PCDHGA8: variants seen among roughly 807,000 people sequenced by gnomAD.
PCDHGA8 encodes protocadherin gamma-A8.
A neutral mutation model predicts 59.2 loss-of-function variants in PCDHGA8; 45 were observed. The ratio of observed to expected loss-of-function variants is 0.76; its 90% CI spans 0.60 to 0.98. The LOEUF (loss-of-function observed/expected upper bound fraction) is 0.98. Ranked by LOEUF, PCDHGA8 falls within the 50% of genes least tolerant of loss-of-function variation. The pLI, the probability that PCDHGA8 is intolerant of heterozygous loss-of-function variation, is 0.00. For missense variants in PCDHGA8, 1,257 were observed against 1,196.2 expected, an observed-to-expected ratio of 1.05 and a Z score of -0.75; for synonymous variants, 531 against 519.0, an observed-to-expected ratio of 1.02 and a Z score of -0.32.
rs568927137 is a variant in PCDHGA8, at chr5:141,410,186, CT to C, written c.2424+14950del. On this transcript the variant is annotated intron_variant, in intron 1 of 3. Coordinates refer to ENST00000398604, the MANE Select transcript of PCDHGA8 (RefSeq NM_032088.2). ...ACTCTCTGCCACCGCCACGCTTCAT[CT>C]GGTCTTCGCAGACAACTTGCAAGAG... 1.6e-5 allele frequency: 26 copies of C among 1,613,940 alleles called. 1 individual carries two copies. In the South Asian group the frequency reaches 2.6e-4, roughly 16 times the overall value.
chr5:141,512,897 C>T lies in PCDHGA8; in HGVS notation c.*1724C>T, dbSNP rs1482341871. ...CTCCCACCCCACCCTCTTCCTGTGT[C>T]TCACGCAAGTTTTATACTCTAATAT... On this transcript the variant is annotated 3_prime_UTR_variant, in exon 4 of 4. Coordinates refer to ENST00000398604, the MANE Select transcript of PCDHGA8 (RefSeq NM_032088.2). 1.3e-5 allele frequency: 2 copies of T among 152,274 alleles called. No homozygotes were observed. The highest frequency in any genetic ancestry group is 4.8e-5 in the African/African-American group (2 of 41,470). The allele number at this position is 152,274 out of a possible 1,614,324, so 9.4% of individuals were successfully genotyped here. A position where few individuals can be genotyped will look rare whatever the true frequency, so the allele number is the denominator to read the frequency against.
In PCDHGA8 at chr5:141,395,178, G is replaced by A; in HGVS notation, c.2365G>A (p.Asp789Asn). Reference sequence around the variant, plus strand: ...CAGTCAGGAGGGCTGTGAGAAAAATGATTCTTTGTTAACATCCGTAGATTT... The same window carrying A: ...CAGTCAGGAGGGCTGTGAGAAAAATAATTCTTTGTTAACATCCGTAGATTT... Reference protein sequence around the residue: ...LISQEGCEKNDSLLTSVDFHE... With the variant: ...LISQEGCEKNNSLLTSVDFHE... The change falls in exon 1 of 4, where the codon GAT becomes AAT. Residue 789 changes from aspartate to asparagine, a missense_variant. Coordinates refer to ENST00000398604, the MANE Select transcript of PCDHGA8 (RefSeq NM_032088.2). The A allele has an allele frequency of 6.2e-7, 1 of 1,614,142 alleles. No individual in the cohort carries two copies. Among genetic ancestry groups the A allele is most frequent in the East Asian group, 2.2e-5 (1 of 44,892 alleles).
In PCDHGA8 at chr5:141,399,258, G is replaced by T; in HGVS notation, c.2424+4021G>T. On this transcript the variant is annotated intron_variant, in intron 1 of 3. Coordinates refer to ENST00000398604, the MANE Select transcript of PCDHGA8 (RefSeq NM_032088.2). ...ACCAAGATTCTGGGGAAAATGGGGA[G>T]GTTAATTGTCAATTACAAGGCGAAG... 4 of 1,613,870 alleles carry T rather than the reference G, an allele frequency of 2.5e-6. No homozygotes were observed. Among genetic ancestry groups the T allele is most frequent in the East Asian group, 2.2e-5 (1 of 44,878 alleles).
chr5:141,461,213 T>C (rs1457474925), intron 1 of PCDHGA8, among the ~76,000 whole-genome samples: 1 of 152,168 alleles, frequency 6.6e-6, no homozygotes, highest in African/African-American at 2.4e-5. Flanking sequence ...AGAATCTCCA[T>C]ACTGTTTTCC....
rs1485167379 is a variant in PCDHGA8, at chr5:141,485,881, C to T, written c.2425-8926C>T. 5.0e-6 allele frequency: 8 copies of T among 1,613,984 alleles called. No homozygotes were observed. Among genetic ancestry groups the T allele is most frequent in the East Asian group, 2.2e-5 (1 of 44,880 alleles). On this transcript the variant is annotated intron_variant, in intron 1 of 3. Transcript: ENST00000398604. The surrounding 1 kb of genome is among the most constrained non-coding windows in gnomAD (Gnocchi z 5.7). ...TCCGGGTATCCGTGCTGGACGTAAACGACAACGCCCCAGCCTTCCAGCAAT... is the reference window on the plus strand; with the variant it reads ...TCCGGGTATCCGTGCTGGACGTAAATGACAACGCCCCAGCCTTCCAGCAAT...
At chr5:141,419,318 G>A in intron 1 of PCDHGA8, 1 of 1,613,992 alleles carries the variant, frequency 6.2e-7, no homozygotes, top group Non-Finnish European at 8.5e-7. Flanking sequence ...CAACGGCCGT[G>A]TCTCCTACTC....
chr5:141,398,962 T>A lies in PCDHGA8; in HGVS notation c.2424+3725T>A, dbSNP rs568248356. ...CGAGGGCATCAACTCAGAAATTACT[T>A]ATTCCTTCTACAGAACCGGGCAAAT... On this transcript the variant is annotated intron_variant, in intron 1 of 3. Coordinates refer to ENST00000398604, the MANE Select transcript of PCDHGA8 (RefSeq NM_032088.2). The A allele has an allele frequency of 2.6e-5, 42 of 1,613,934 alleles. No individual in the cohort carries two copies. Among genetic ancestry groups the A allele is most frequent in the Middle Eastern group, 3.3e-4 (2 of 6,062 alleles).
chr5:141,482,102 A>T (rs1016315214), intron 1 of PCDHGA8, among the ~76,000 whole-genome samples: 13 of 151,860 alleles, frequency 8.6e-5, no homozygotes, highest in African/African-American at 2.7e-4. Context: ...AAAAAAAAAA[A>T]AAATATCTAG....
intron 1 of PCDHGA8, chr5:141,402,843 G>A (rs1370040306): frequency 5.7e-6 from 8 of 1,399,114 alleles, no homozygotes; most frequent in Non-Finnish European, 6.6e-6. Context: ...GCAAAACTCA[G>A]CCTCTTTCTT....
chr5:141,404,564 G>A, intron 1 of PCDHGA8: 1 of 1,613,890 alleles, frequency 6.2e-7, no homozygotes. Flanking sequence ...AAGTGACAGT[G>A]GAAGCCCACC....
At position 141,476,666 on chromosome 5, in the gene PCDHGA8, G is replaced by A. The variant is rs2099395856; in HGVS notation, c.2425-18141G>A. On this transcript the variant is annotated intron_variant, in intron 1 of 3. Coordinates refer to ENST00000398604, the MANE Select transcript of PCDHGA8 (RefSeq NM_032088.2). The surrounding 1 kb of genome is among the most constrained non-coding windows in gnomAD (Gnocchi z 7.6). The stretch of plus-strand genomic sequence containing the variant: ...CCGAAATGAATACTTTGCGCTTCGC[G>A]TGCAGACGCGGGAGGACAGCACCAA... 6.2e-7 allele frequency: 1 copy of A among 1,614,128 alleles called. No individual in the cohort carries two copies.
intron 1 of PCDHGA8, among the ~76,000 whole-genome samples, chr5:141,456,842 A>G (rs1374546355): frequency 6.6e-6 from 1 of 152,150 alleles, no homozygotes; most frequent in African/African-American, 2.4e-5. Flanking sequence ...GGGCGCCTGT[A>G]ATCCCAGCTA....
chr5:141,470,054 C>T (rs895181664), intron 1 of PCDHGA8, among the ~76,000 whole-genome samples: 2 of 152,118 alleles, frequency 1.3e-5, no homozygotes, highest in African/African-American at 4.8e-5. Flanking sequence ...GTTTGAACCC[C>T]GGAGGCAGAG....
In PCDHGA8 at chr5:141,394,190, G is replaced by T. The variant is rs1370592594; in HGVS notation, c.1377G>T (p.Ala459=). The part of the protein sequence containing the change: ...PPTFPHASYS[A]YILENNLRGA... The stretch of plus-strand genomic sequence containing the variant: ...CTTTCCCTCATGCCTCCTACTCAGC[G>T]TATATCCTAGAGAACAACCTGAGAG... Residue 459 remains alanine (A), a synonymous_variant, in exon 1 of 4, where the codon GCG becomes GCT. Coordinates refer to ENST00000398604, the MANE Select transcript of PCDHGA8 (RefSeq NM_032088.2). 2 of 1,613,684 alleles carry T rather than the reference G, an allele frequency of 1.2e-6. No individual in the cohort carries two copies. The highest frequency in any genetic ancestry group is 1.7e-6 in the Non-Finnish European group (2 of 1,179,836).
Position 141,393,047 on chromosome 5 carries a change from C to G in PCDHGA8, c.234C>G (p.Asn78Lys), listed in dbSNP as rs778464494. Reference protein sequence around the residue: ...SRGRTQLFALNPRSGSLITAG... With the variant: ...SRGRTQLFALKPRSGSLITAG... ...GTAGGACGCAGCTCTTTGCTCTGAA[C>G]CCGCGCAGCGGCAGCTTGATCACCG... The change falls in exon 1 of 4, where the codon AAC (asparagine) becomes AAG (lysine). Residue 78 changes from asparagine (N) to lysine (K), a missense_variant. Physicochemically the swap from Asn to Lys is moderately conservative, Grantham distance 94 (BLOSUM62 0). Transcript: ENST00000398604. 16 of 1,613,566 alleles carry G rather than the reference C, an allele frequency of 9.9e-6. No homozygotes were observed. The South Asian group carries it at 1.6e-4, about 17-fold the overall frequency.
At chr5:141,470,059 G>A (rs1206799372) in intron 1 of PCDHGA8, among the ~76,000 whole-genome samples, 6 of 152,186 alleles carry the variant, frequency 3.9e-5, no homozygotes, top group African/African-American at 1.4e-4. Context: ...AACCCCGGAG[G>A]CAGAGACTGT....
intron 1 of PCDHGA8, chr5:141,430,693 C>A: frequency 1.4e-6 from 2 of 1,425,428 alleles, no homozygotes; most frequent in Admixed American, 2.6e-5. Context: ...ATTCTATGGG[C>A]GAAGGAACTG....
In PCDHGA8 at chr5:141,489,071, CA is replaced by C; in HGVS notation, c.2425-5735del. 3.1e-6 allele frequency: 1 copy of C among 326,700 alleles called. No homozygotes were observed. Among genetic ancestry groups the C allele is most frequent in the East Asian group, 5.9e-5 (1 of 17,012 alleles). 20.2% of individuals were successfully genotyped at this position (326,700 alleles called of 1,614,324 possible). A position where few individuals can be genotyped will look rare whatever the true frequency, so the allele number is the denominator to read the frequency against. On this transcript the variant is annotated intron_variant, in intron 1 of 3. Transcript: ENST00000398604. This position sits in a 1 kb window ranked among gnomAD's most constrained non-coding sequence, Gnocchi z 4.5. Reference sequence around the variant, plus strand: ...AAATTCAGCTCCCCTCCCCCCTGCCCACCCCCGCCACTCGGTGACTAAGAAC... The same window carrying C: ...AAATTCAGCTCCCCTCCCCCCTGCCCCCCCCGCCACTCGGTGACTAAGAAC...
intron 1 of PCDHGA8, chr5:141,403,361 A>T (rs760277157): frequency 3.1e-6 from 5 of 1,614,050 alleles, no homozygotes; most frequent in Middle Eastern, 1.6e-4. Context: ...CCAGGCCGAA[A>T]GTCTGGAAGT....
Sources: allele counts gnomAD v4.1 joint callset (sites outside exome capture counted in the v4.1 genomes callset), GRCh38; gene constraint gnomAD v4.1.1; non-coding constraint Gnocchi (gnomAD v3.1); transcripts MANE v1.5; gene names NCBI Gene and HGNC (gene_info 2026-07-23, HGNC 2026-07-21).